Variants in DAB1 observed in about 807,000 individuals in gnomAD.
DAB1 encodes the protein disabled homolog 1.
DAB1 carries 15 observed loss-of-function variants against 64.6 expected under a neutral mutation model. The ratio of observed to expected loss-of-function variants is 0.23; its 90% confidence interval spans 0.16 to 0.36. DAB1 has a LOEUF of 0.36. DAB1 is among the 10% of genes least tolerant of loss of function. DAB1 has a pLI of 1.00. For synonymous variants in DAB1, 235 were observed against 251.9 expected (o/e 0.93, Z 0.64); for missense variants, 596 against 706.7 (o/e 0.84, Z 1.78).
At chr1:57,342,092 A>G (rs1228975409) in intron 1 of DAB1, among the ~76,000 whole-genome samples, 1 of 152,248 alleles carries the variant, frequency 6.6e-6, no homozygotes, top group African/African-American at 2.4e-5. Context: ...TGACTTATAC[A>G]TAGTTTGCTC....
intron 4 of DAB1, among the ~76,000 whole-genome samples, chr1:57,128,355 AC>A (rs1657345980): frequency 6.6e-6 from 1 of 151,986 alleles, no homozygotes; most frequent in African/African-American, 2.4e-5. Context: ...GGGCTCATGG[AC>A]CCATCGTGGG....
At chr1:57,081,060 ATAG>A (rs1652485918) in intron 4 of DAB1, among the ~76,000 whole-genome samples, 2 of 152,132 alleles carry the variant, frequency 1.3e-5, no homozygotes, top group Admixed American at 6.5e-5. Flanking sequence ...TACTAAACAT[ATAG>A]TTTGTATATT....
chr1:57,043,183 G>A (rs1016217734), intron 9 of DAB1, among the ~76,000 whole-genome samples: 5 of 152,134 alleles, frequency 3.3e-5, no homozygotes, highest in Non-Finnish European at 5.9e-5. Context: ...GCCAATATCT[G>A]ATCAGGACCA....
intron 4 of DAB1, among the ~76,000 whole-genome samples, chr1:58,222,715 G>T (rs930730175): frequency 1.6e-4 from 25 of 152,206 alleles, no homozygotes; most frequent in African/African-American, 6.0e-4. Flanking sequence ...TCTTTATCCA[G>T]ACTGCTTTCC....
At chr1:57,784,327 G>C (rs1650243459) in intron 6 of DAB1, among the ~76,000 whole-genome samples, 1 of 152,160 alleles carries the variant, frequency 6.6e-6, no homozygotes, top group African/African-American at 2.4e-5. Flanking sequence ...CTGGAAGGTG[G>C]AGGTTGCAGT....
chr1:57,569,216 G>A (rs1385937704), intron 7 of DAB1, among the ~76,000 whole-genome samples: 22 of 127,114 alleles, frequency 1.7e-4, no homozygotes, highest in South Asian at 1.6e-3. Context: ...CCGAGATTGC[G>A]CCACTGCACT....
At chr1:57,839,300 G>A (rs1652949191) in intron 1 of DAB1, among the ~76,000 whole-genome samples, 1 of 152,190 alleles carries the variant, frequency 6.6e-6, no homozygotes, top group Admixed American at 6.5e-5. Context: ...ATTTCACTAA[G>A]TGACTTTGAC....
intron 1 of DAB1, among the ~76,000 whole-genome samples, chr1:57,297,984 T>A (rs999774063): frequency 1.3e-5 from 2 of 152,180 alleles, no homozygotes; most frequent in African/African-American, 4.8e-5. Context: ...TAGACTGTAT[T>A]CCATGCCCAC....
intron 3 of DAB1, among the ~76,000 whole-genome samples, chr1:58,410,935 T>G (rs1644661515): frequency 1.3e-5 from 2 of 152,186 alleles, no homozygotes; most frequent in Admixed American, 6.5e-5. Context: ...AAAGCACAAG[T>G]GTGACTGGGT....
chr1:57,367,941 G>A lies in DAB1; in HGVS notation c.-137+55989C>T, dbSNP rs146698237. ...CTCCCTCCTGGGTGCAGCTGCAGCC[G>A]CCCAAACCACAGCTGTGGACCCAGG... On this transcript the variant is annotated intron_variant, in intron 1 of 14. Coordinates refer to ENST00000371236, the MANE Select transcript of DAB1 (RefSeq NM_001365792.1). Among the ~76,000 whole-genome samples, 386 of 152,268 alleles carry A rather than the reference G, an allele frequency of 2.5e-3. 1 individual carries two copies. Among genetic ancestry groups the A allele is most frequent in the African/African-American group, 8.5e-3 (354 of 41,564 alleles).
intron 7 of DAB1, among the ~76,000 whole-genome samples, chr1:57,452,167 T>C (rs7513265): frequency 0.012 from 326 of 28,120 alleles, 1 homozygote; most frequent in East Asian, 0.069. Context: ...GCACCCCCCC[T>C]TTTTTTTTTT....
intron 3 of DAB1, among the ~76,000 whole-genome samples, chr1:58,503,647 G>A (rs1405686329): frequency 1.3e-5 from 2 of 151,962 alleles, no homozygotes; most frequent in Non-Finnish European, 2.9e-5. Context: ...AGGCTTTTGA[G>A]AGCTCCCTTG....
chr1:58,207,499 G>T (rs1658341266), intron 4 of DAB1, among the ~76,000 whole-genome samples: 1 of 152,178 alleles, frequency 6.6e-6, no homozygotes. Flanking sequence ...CTCAGCATTG[G>T]GAATATACAG....
At chr1:58,444,877 T>C (rs552396537) in intron 3 of DAB1, among the ~76,000 whole-genome samples, 1 of 152,326 alleles carries the variant, frequency 6.6e-6, no homozygotes, top group South Asian at 2.1e-4. Context: ...AATAATATGA[T>C]GTATCTTATG....
chr1:58,408,639 G>A (rs1420102749), intron 3 of DAB1, among the ~76,000 whole-genome samples: 1 of 152,064 alleles, frequency 6.6e-6, no homozygotes, highest in Non-Finnish European at 1.5e-5. Flanking sequence ...ATTGAGAAGT[G>A]GAGACAGGAA....
chr1:58,145,662 C>T (rs1470265950), intron 5 of DAB1, among the ~76,000 whole-genome samples: 3 of 152,122 alleles, frequency 2.0e-5, no homozygotes, highest in African/African-American at 4.8e-5. Flanking sequence ...TCAGCAGTCA[C>T]TCAGCTTTTA....
At chr1:57,335,218 G>A (rs903122033) in intron 1 of DAB1, among the ~76,000 whole-genome samples, 7 of 151,672 alleles carry the variant, frequency 4.6e-5, no homozygotes, top group Admixed American at 1.3e-4. Context: ...TTAAGGCACA[G>A]TGTTAAAGAG....
intron 7 of DAB1, among the ~76,000 whole-genome samples, chr1:57,486,581 CAA>C (rs1356349826): frequency 1.3e-5 from 2 of 152,150 alleles, no homozygotes; most frequent in South Asian, 2.1e-4. Flanking sequence ...CTCAAAGAAA[CAA>C]GAGATTGTGA....
intron 7 of DAB1, among the ~76,000 whole-genome samples, chr1:57,573,726 G>C (rs571610997): frequency 1.3e-5 from 2 of 152,176 alleles, no homozygotes; most frequent in Non-Finnish European, 2.9e-5. Context: ...CAGGAAGCTG[G>C]AGAAGTTGCT....
Sources: allele counts gnomAD v4.1 joint callset (sites outside exome capture counted in the v4.1 genomes callset), GRCh38; gene constraint gnomAD v4.1.1; transcripts MANE v1.5; gene names NCBI Gene and HGNC (gene_info 2026-07-23, HGNC 2026-07-21).